PDE4D: variants seen among roughly 807,000 people sequenced by gnomAD.
The protein encoded by PDE4D is 3',5'-cyclic-AMP phosphodiesterase 4D.
PDE4D carries 24 observed loss-of-function variants against 87.4 expected under a neutral mutation model. That is an observed-to-expected ratio of 0.27 (90% confidence interval 0.20 to 0.39). The LOEUF is 0.39. PDE4D is among the 10% of genes least tolerant of loss of function. PDE4D has a pLI of 1.00. For synonymous variants in PDE4D, 384 were observed against 383.2 expected, an observed-to-expected ratio of 1.00 and a Z score of -0.02; for missense variants, 714 against 1,041.0, an observed-to-expected ratio of 0.69 and a Z score of 4.32.
intron 2 of PDE4D, among the ~76,000 whole-genome samples, chr5:60,158,573 A>AT (rs1393676197): frequency 2.0e-5 from 3 of 151,786 alleles, no homozygotes. Flanking sequence ...TTTTTTATTT[A>AT]TTTTTTTGAG....
chr5:59,809,729 ATTT>A (rs1768127605), intron 1 of PDE4D, among the ~76,000 whole-genome samples: 1 of 152,070 alleles, frequency 6.6e-6, no homozygotes, highest in South Asian at 2.1e-4. Flanking sequence ...ACTGTACTTT[ATTT>A]TCCCCCATTG....
At chr5:60,061,781 T>A (rs1156807340) in intron 2 of PDE4D, among the ~76,000 whole-genome samples, 1 of 151,758 alleles carries the variant, frequency 6.6e-6, no homozygotes, top group African/African-American at 2.4e-5. Context: ...GACCATCTGA[T>A]CTTCAACAAA....
chr5:59,659,570 T>A (rs908687968), intron 1 of PDE4D, among the ~76,000 whole-genome samples: 1 of 152,246 alleles, frequency 6.6e-6, no homozygotes, highest in African/African-American at 2.4e-5. Flanking sequence ...TCTTCGTAGG[T>A]AAGAAGTCTT....
In PDE4D at chr5:60,430,688, G is replaced by A. The variant is rs1014192734; in HGVS notation, c.-90+57254C>T. ...GGTTTTCCTAGGCAGAGGTCCCTGC[G>A]GCCTTCCGCAGTGTTTGCGTCCCTG... On this transcript the variant is annotated intron_variant, in intron 1 of 16. Transcript: ENST00000502484. The A allele has an allele frequency of 1.7e-4, 42 of 252,254 alleles. 1 individual carries two copies. The highest frequency in any genetic ancestry group is 3.1e-4 in the Non-Finnish European group (42 of 134,494). The allele number at this position is 252,254 out of a possible 1,614,324, so 15.6% of individuals were successfully genotyped here.
intron 1 of PDE4D, among the ~76,000 whole-genome samples, chr5:59,397,078 AG>A (rs1789564087): frequency 7.6e-6 from 1 of 131,524 alleles, no homozygotes; most frequent in Non-Finnish European, 1.6e-5. Context: ...AGATTCATAA[AG>A]CAAGTCCTGA....
At chr5:60,124,137 T>C (rs1321664979) in intron 2 of PDE4D, among the ~76,000 whole-genome samples, 3 of 152,186 alleles carry the variant, frequency 2.0e-5, no homozygotes, top group Non-Finnish European at 4.4e-5. Context: ...TGAAACATCA[T>C]AATGCATATA....
intron 1 of PDE4D, chr5:59,314,239 G>A (rs1398226906): frequency 6.6e-6 from 1 of 152,070 alleles, no homozygotes; most frequent in Non-Finnish European, 1.5e-5. Flanking sequence ...CCCCTCACTT[G>A]TAAACCTTTT....
At chr5:60,245,661 A>T (rs574741518) in intron 1 of PDE4D, among the ~76,000 whole-genome samples, 35 of 152,142 alleles carry the variant, frequency 2.3e-4, no homozygotes, top group African/African-American at 8.4e-4. Context: ...GTGTTAAGTT[A>T]AATAAGCCAG....
intron 1 of PDE4D, among the ~76,000 whole-genome samples, chr5:59,888,465 G>A (rs1209790529): frequency 1.3e-5 from 2 of 152,142 alleles, no homozygotes; most frequent in East Asian, 3.9e-4. Context: ...AGAATAAAAG[G>A]TTCAAACTAA....
intron 5 of PDE4D, among the ~76,000 whole-genome samples, chr5:59,089,196 T>G (rs562463915): frequency 2.0e-5 from 3 of 151,892 alleles, no homozygotes; most frequent in Non-Finnish European, 2.9e-5. Flanking sequence ...TGTTGTTGTT[T>G]TTGGCATAAA....
At chr5:60,372,920 T>C (rs539842712) in intron 1 of PDE4D, among the ~76,000 whole-genome samples, 10 of 152,234 alleles carry the variant, frequency 6.6e-5, no homozygotes, top group Non-Finnish European at 1.5e-4. Context: ...AATCTCCTCC[T>C]TTGCCTTAGA....
intron 2 of PDE4D, chr5:59,215,469 G>A: frequency 6.2e-6 from 2 of 321,510 alleles, no homozygotes; most frequent in South Asian, 6.9e-5. Flanking sequence ...ATAAATATAA[G>A]CTAATGATTT....
chr5:59,323,082 T>C (rs1373280765), intron 1 of PDE4D, among the ~76,000 whole-genome samples: 1 of 152,172 alleles, frequency 6.6e-6, no homozygotes, highest in East Asian at 1.9e-4. Context: ...CTTTCTATTT[T>C]ATTTTGCCTA....
At chr5:59,897,480 A>T (rs1751778796), upstream of PDE4D, among the ~76,000 whole-genome samples, 2 of 151,742 alleles carry the variant, frequency 1.3e-5, no homozygotes, top group African/African-American at 4.8e-5. Context: ...ACTTTAAGTT[A>T]TGGGGTCCAT....
At chr5:59,925,046 G>T (rs1326090643) in intron 3 of PDE4D, among the ~76,000 whole-genome samples, 1 of 151,458 alleles carries the variant, frequency 6.6e-6, no homozygotes, top group Non-Finnish European at 1.5e-5. Context: ...GTGGTGGTGG[G>T]CGCCTGTAGT....
intron 1 of PDE4D, among the ~76,000 whole-genome samples, chr5:59,294,305 C>A (rs922239368): frequency 1.3e-5 from 2 of 152,148 alleles, no homozygotes; most frequent in African/African-American, 4.8e-5. Flanking sequence ...CATTGCCCAA[C>A]TCTAGGGAGT....
At chr5:60,065,832 C>T (rs1185196637) in intron 2 of PDE4D, among the ~76,000 whole-genome samples, 1 of 152,126 alleles carries the variant, frequency 6.6e-6, no homozygotes, top group African/African-American at 2.4e-5. Context: ...TCCAGTCTAT[C>T]GTTGTTGGAC....
Position 60,272,951 on chromosome 5 carries a change from A to G in PDE4D, c.-89-87264T>C, listed in dbSNP as rs112583007. Among the ~76,000 whole-genome samples, 219 of 152,300 alleles carry G rather than the reference A, an allele frequency of 1.4e-3. 3 individuals are homozygous for G. The highest frequency in any genetic ancestry group is 5.1e-3 in the African/African-American group (212 of 41,566). ...GTGTATTTCTAACAGTTATACGACT[A>G]CCTCAAAACCTCTCTCACACTTATT... is the stretch of plus-strand genomic sequence containing the variant. On this transcript the variant is annotated intron_variant, in intron 1 of 16. Transcript: ENST00000502484.
chr5:59,506,379 C>CAA (rs145416375), intron 1 of PDE4D, among the ~76,000 whole-genome samples: 7 of 151,014 alleles, frequency 4.6e-5, no homozygotes, highest in Non-Finnish European at 1.0e-4. Context: ...TAGTCTTTGG[C>CAA]AAAAAAAATG....
Sources: gnomAD v4.1 joint callset for allele counts (sites outside exome capture counted in the v4.1 genomes callset) on GRCh38, gnomAD v4.1.1 for gene constraint, MANE v1.5 for transcripts, NCBI Gene and HGNC (gene_info 2026-07-23, HGNC 2026-07-21) for gene names.